Variants in HMBOX1 observed in about 807,000 individuals in gnomAD.
HMBOX1 encodes the protein homeobox-containing protein 1.
A neutral mutation model predicts 54.5 loss-of-function variants in HMBOX1; 14 were observed. That is an observed-to-expected ratio of 0.26 (90% CI 0.17 to 0.40). The LOEUF (loss-of-function observed/expected upper bound fraction) is 0.40, where lower values mean the gene tolerates loss of function less well. HMBOX1 is among the 10% of genes least tolerant of loss of function. The pLI, the probability that HMBOX1 is intolerant of heterozygous loss-of-function variation, is 1.00. For missense variants in HMBOX1, 332 were observed against 514.4 expected (o/e 0.65, Z 3.43); for synonymous variants, 160 against 181.0 (o/e 0.88, Z 0.93).
chr8:28,914,445 C>T (rs912962859), intron 1 of HMBOX1, among the ~76,000 whole-genome samples: 2 of 152,188 alleles, frequency 1.3e-5, no homozygotes, highest in Admixed American at 1.3e-4. Context: ...ACTAATTAAA[C>T]ACTTAAAAAA....
chr8:29,024,278 G>T (rs190582823), intron 6 of HMBOX1, among the ~76,000 whole-genome samples: 2 of 152,302 alleles, frequency 1.3e-5, no homozygotes, highest in Non-Finnish European at 2.9e-5. Context: ...TCAGATGAGG[G>T]ATAGGAGTTC....
chr8:28,973,952 T>C (rs1267923269), intron 3 of HMBOX1, among the ~76,000 whole-genome samples: 2 of 151,720 alleles, frequency 1.3e-5, no homozygotes, highest in African/African-American at 4.8e-5. Flanking sequence ...GTAGCTGGGA[T>C]TACAGCGTGC....
chr8:28,960,765 CTTTTTTTTTTTT>C (rs1162477676), intron 1 of HMBOX1, among the ~76,000 whole-genome samples: 4 of 16,256 alleles, frequency 2.5e-4, no homozygotes, highest in African/African-American at 1.7e-4. Flanking sequence ...TTTTCTTTTT[CTTTTTTTTTTTT>C]TTTTTTTTTT....
intron 3 of HMBOX1, among the ~76,000 whole-genome samples, chr8:28,973,803 GTTTTTTTT>G (rs71222583): frequency 1.0e-3 from 73 of 72,654 alleles, no homozygotes; most frequent in African/African-American, 2.8e-3. Context: ...ACATAATGGA[GTTTTTTTT>G]TTTTTTTTTT....
At chr8:29,050,532 ATT>A (rs1806292328) in intron 9 of HMBOX1, 1 of 152,540 alleles carries the variant, frequency 6.6e-6, no homozygotes, top group Admixed American at 6.5e-5. Flanking sequence ...ACAAAAATGC[ATT>A]TTTTATCTGT....
In HMBOX1 at chr8:28,970,040, T is replaced by A. The variant is rs543051481; in HGVS notation, c.24-3T>A. On this transcript the variant is annotated splice_region_variant and splice_polypyrimidine_tract_variant and intron_variant, in intron 2 of 9. Transcript: ENST00000287701. The surrounding 1 kb of genome is among the most constrained non-coding windows in gnomAD (Gnocchi z 4.3). ...AGACTTCTTTTTATCTCTTTTTTTT[T>A]AGTTTGCTGGAAACCATGTCTCATT... The A allele has an allele frequency of 6.4e-7, 1 of 1,560,236 alleles. No homozygotes were observed. Among genetic ancestry groups the A allele is most frequent in the Non-Finnish European group, 8.8e-7 (1 of 1,138,500 alleles).
At chr8:28,923,246 T>C (rs1205768120) in intron 1 of HMBOX1, among the ~76,000 whole-genome samples, 1 of 152,214 alleles carries the variant, frequency 6.6e-6, no homozygotes, top group African/African-American at 2.4e-5. Flanking sequence ...TTGCCTGTTC[T>C]GGACATTTCA....
At chr8:28,995,873 C>T (rs776492477) in intron 4 of HMBOX1, among the ~76,000 whole-genome samples, 8 of 152,046 alleles carry the variant, frequency 5.3e-5, no homozygotes, top group Non-Finnish European at 8.8e-5. Flanking sequence ...AAGGCCGCGG[C>T]GGGTGGATCA....
At chr8:29,047,091 G>A (rs762224710) in intron 7 of HMBOX1, among the ~76,000 whole-genome samples, 1 of 152,230 alleles carries the variant, frequency 6.6e-6, no homozygotes, top group Non-Finnish European at 1.5e-5. Flanking sequence ...AACTGACTTT[G>A]TGGAATTCTC....
intron 7 of HMBOX1, among the ~76,000 whole-genome samples, chr8:29,046,803 G>A (rs71521321): frequency 0.012 from 1,864 of 152,224 alleles, 23 homozygotes; most frequent in Non-Finnish European, 0.021. Context: ...CAACAATGGC[G>A]AGACCCCATC....
chr8:28,914,886 C>T (rs1398358284), intron 1 of HMBOX1, among the ~76,000 whole-genome samples: 2 of 152,144 alleles, frequency 1.3e-5, no homozygotes, highest in African/African-American at 2.4e-5. Context: ...AGTGAAAGAA[C>T]TGCAAAGGAA....
intron 4 of HMBOX1, among the ~76,000 whole-genome samples, chr8:28,984,789 T>A (rs528426883): frequency 4.6e-4 from 70 of 152,290 alleles, no homozygotes; most frequent in African/African-American, 1.3e-3. Context: ...TAATTTTTTT[T>A]AATGACCTTT....
intron 3 of HMBOX1, among the ~76,000 whole-genome samples, chr8:28,973,316 AAT>A (rs1302991973): frequency 5.3e-5 from 8 of 152,196 alleles, no homozygotes; most frequent in African/African-American, 1.9e-4. Flanking sequence ...CTTTATTATC[AAT>A]ATGTCACTGG....
intron 3 of HMBOX1, among the ~76,000 whole-genome samples, chr8:28,975,854 A>C (rs1828269457): frequency 6.6e-6 from 1 of 152,170 alleles, no homozygotes. Context: ...TGAGAGAATT[A>C]GATTTAGAGT....
intron 6 of HMBOX1, among the ~76,000 whole-genome samples, chr8:29,039,601 A>T (rs958791745): frequency 2.6e-5 from 4 of 152,164 alleles, no homozygotes; most frequent in Admixed American, 2.6e-4. Flanking sequence ...TTGATTAGAT[A>T]CTTACTGTCT....
intron 5 of HMBOX1, chr8:29,009,435 T>C: frequency 5.1e-6 from 5 of 981,900 alleles, no homozygotes; most frequent in Non-Finnish European, 6.0e-6. Flanking sequence ...TATATGATAT[T>C]TCTAGCCATA....
intron 4 of HMBOX1, among the ~76,000 whole-genome samples, chr8:28,986,361 G>A (rs1830162721): frequency 6.6e-6 from 1 of 152,184 alleles, no homozygotes; most frequent in African/African-American, 2.4e-5. Context: ...TATGAATAAA[G>A]CTGCTATAAA....
At chr8:28,896,937 C>T (rs917754598) in intron 1 of HMBOX1, among the ~76,000 whole-genome samples, 1 of 150,344 alleles carries the variant, frequency 6.7e-6, no homozygotes, top group Non-Finnish European at 1.5e-5. Context: ...TGCAAACATA[C>T]CAATTTTTTT....
At chr8:28,949,428 G>A (rs1342459120) in intron 1 of HMBOX1, among the ~76,000 whole-genome samples, 3 of 152,164 alleles carry the variant, frequency 2.0e-5, no homozygotes, top group Admixed American at 6.5e-5. Context: ...TTATTTACCC[G>A]ATTATCAAGA....
Sources: gnomAD v4.1 joint callset for allele counts (sites outside exome capture counted in the v4.1 genomes callset) on GRCh38, gnomAD v4.1.1 for gene constraint, Gnocchi (gnomAD v3.1) non-coding constraint, MANE v1.5 for transcripts, NCBI Gene and HGNC (gene_info 2026-07-23, HGNC 2026-07-21) for gene names.